ROS1: variants seen among roughly 807,000 people sequenced by gnomAD.
ROS1 encodes the protein ROS proto-oncogene 1, receptor tyrosine kinase, also known as proto-oncogene tyrosine-protein kinase ROS.
Under a neutral mutation model 273.5 loss-of-function variants are expected in ROS1, and 263 were observed. That is an observed-to-expected ratio of 0.96 (90% confidence interval 0.87 to 1.06). The LOEUF is 1.06. Ranked by LOEUF, ROS1 falls within the 50% of genes least tolerant of loss-of-function variation. The pLI is 0.00. For missense variants in ROS1, 2,833 were observed against 2,751.1 expected (o/e 1.03, Z -0.67); for synonymous variants, 1,008 against 954.1 (o/e 1.06, Z -1.04).
rs376358437 is a variant in ROS1, at chr6:117,403,103, T to C, written c.604+36A>G. ...AACAAACTAAATCAAAGCTTTGGAA[T>C]AATGTCCTTTCATAAGAAATGTGTG... On this transcript the variant is annotated intron_variant, in intron 7 of 43. Coordinates refer to ENST00000368507, the MANE Select transcript of ROS1 (RefSeq NM_001378902.1). 25 of 1,608,314 alleles carry C rather than the reference T, an allele frequency of 1.6e-5. No homozygotes were observed. In the African/African-American group the frequency reaches 3.2e-4, roughly 21 times the overall value.
Position 117,337,217 on chromosome 6 carries a change from T to C in ROS1, c.5185A>G (p.Thr1729Ala). ...YNVRVVVVYK[T>A]GENSTSLPES... Reference sequence around the variant, plus strand: ...GGAAGTGAGGTGCTATTTTCTCCCGTCTTATAAACCACCACTACTCTGACA... The same window carrying C: ...GGAAGTGAGGTGCTATTTTCTCCCGCCTTATAAACCACCACTACTCTGACA... Residue 1729 changes from threonine (T) to alanine (A), a missense_variant, in exon 32 of 44, where the codon ACG becomes GCG. Coordinates refer to ENST00000368507, the MANE Select transcript of ROS1 (RefSeq NM_001378902.1). 2 of 1,612,742 alleles carry C rather than the reference T, an allele frequency of 1.2e-6. No individual in the cohort carries two copies. Among genetic ancestry groups the C allele is most frequent in the Non-Finnish European group, 1.7e-6 (2 of 1,179,168 alleles).
Position 117,317,291 on chromosome 6 carries a change from C to G in ROS1, c.5988-19G>C, listed in dbSNP as rs753227974. 4 of 1,607,520 alleles carry G rather than the reference C, an allele frequency of 2.5e-6. No homozygotes were observed. In the East Asian group the frequency reaches 8.9e-5, roughly 36 times the overall value. ...AAATTTGCTGAAAGGTGGAAAGACA[C>G]AGGCTGGATGATATGACAGAAGCAG... is the stretch of plus-strand genomic sequence containing the variant. On this transcript the variant is annotated intron_variant, in intron 38 of 43. Coordinates refer to ENST00000368507, the MANE Select transcript of ROS1 (RefSeq NM_001378902.1).
intron 34 of ROS1, among the ~76,000 whole-genome samples, chr6:117,325,853 G>A (rs1694545670): frequency 6.6e-6 from 1 of 151,858 alleles, no homozygotes; most frequent in South Asian, 2.1e-4. Context: ...AAGGTCTTAG[G>A]CCTGTTATGT....
chr6:117,300,327 C>A (rs1233399141), intron 43 of ROS1, among the ~76,000 whole-genome samples: 1 of 151,646 alleles, frequency 6.6e-6, no homozygotes, highest in African/African-American at 2.4e-5. Flanking sequence ...TGATCCACTA[C>A]AATAATCATA....
chr6:117,362,959 A>T, intron 21 of ROS1, 94 bp from the exon 22 acceptor site: 1 of 1,097,048 alleles, frequency 9.1e-7, no homozygotes, highest in Non-Finnish European at 1.3e-6. Context: ...TAAACAACTT[A>T]ACAATATTTC....
intron 35 of ROS1, among the ~76,000 whole-genome samples, chr6:117,323,432 C>T (rs961778786): frequency 6.6e-6 from 1 of 152,038 alleles, no homozygotes; most frequent in African/African-American, 2.4e-5. Context: ...CAAAACAAGC[C>T]ACAACTTTCT....
intron 39 of ROS1, among the ~76,000 whole-genome samples, chr6:117,313,927 C>T (rs112494207): frequency 7.2e-5 from 11 of 152,166 alleles, no homozygotes; most frequent in East Asian, 3.9e-4. Flanking sequence ...GCGAAGGAGA[C>T]GAAGCCCTGG....
chr6:117,376,930 T>C (rs577269901), intron 18 of ROS1, among the ~76,000 whole-genome samples: 1 of 152,278 alleles, frequency 6.6e-6, no homozygotes, highest in African/African-American at 2.4e-5. Flanking sequence ...AGATCAAGTA[T>C]AGCCAAAATA....
intron 2 of ROS1, 129 bp from the exon 3 acceptor site, chr6:117,416,446 C>G: frequency 1.5e-6 from 1 of 659,064 alleles, no homozygotes; most frequent in Admixed American, 2.6e-5. Flanking sequence ...ACCAAGAAAC[C>G]TGAGGCCTCC....
At position 117,288,551 on chromosome 6, in the gene ROS1, G is replaced by C. The variant is rs143434059; in HGVS notation, c.6967C>G (p.Pro2323Ala). The change falls in exon 44 of 44, where the codon CCT becomes GCT. Residue 2323 changes from proline to alanine, a missense_variant. Transcript: ENST00000368507. ...AGACAGGCATAGTTCAGGCCTTCAG[G>C]CTTGCCAGAAGGGCAGTAAGCCACT... The part of the protein sequence containing the change: ...KQVAYCPSGK[P>A]EGLNYACLTH... 405 of 1,614,134 alleles carry C rather than the reference G, an allele frequency of 2.5e-4. 1 individual carries two copies. In the African/African-American group the frequency reaches 2.7e-3, roughly 11 times the overall value.
At chr6:117,379,902 T>A (rs367819999) in intron 17 of ROS1, among the ~76,000 whole-genome samples, 1 of 152,144 alleles carries the variant, frequency 6.6e-6, no homozygotes, top group Non-Finnish European at 1.5e-5. Flanking sequence ...TATTTCCAGA[T>A]GACATATGAG....
At chr6:117,298,228 G>A (rs1774405102) in intron 43 of ROS1, among the ~76,000 whole-genome samples, 1 of 152,112 alleles carries the variant, frequency 6.6e-6, no homozygotes, top group Non-Finnish European at 1.5e-5. Flanking sequence ...AAGGGTGTGG[G>A]AGAGTGAATA....
At chr6:117,329,506 A>T (rs2128593835) in intron 32 of ROS1, 60 bp from the exon 33 acceptor site, 1 of 812,112 alleles carries the variant, frequency 1.2e-6, no homozygotes, top group African/African-American at 1.7e-5. Flanking sequence ...TTCTGCACTG[A>T]AATCTTTCTA....
intron 43 of ROS1, among the ~76,000 whole-genome samples, chr6:117,293,806 T>C (rs1399283194): frequency 6.6e-6 from 1 of 152,140 alleles, no homozygotes; most frequent in South Asian, 2.1e-4. Flanking sequence ...CACAAAGAAT[T>C]TGAGCCTTAT....
At chr6:117,398,256 G>A (rs1773656005) in intron 7 of ROS1, among the ~76,000 whole-genome samples, 1 of 150,300 alleles carries the variant, frequency 6.7e-6, no homozygotes, top group Middle Eastern at 3.2e-3. Flanking sequence ...TGCGATCATT[G>A]TCCAGGTCTT....
rs139256509 is a variant in ROS1 at position 117,389,785 on chromosome 6, G to A, written c.1351C>T (p.Arg451Trp). The change falls in exon 13 of 44, where the codon CGG (arginine) becomes TGG (tryptophan). Residue 451 changes from arginine (R) to tryptophan (W), a missense_variant. Physicochemically the swap from Arg to Trp is moderately radical, Grantham distance 101. Transcript: ENST00000368507. Reference sequence around the variant, plus strand: ...ACAATACGCACAGCTTCTGCACACCGGCCAGATGGTACAGGAAGGTCTGCT... The same window carrying A: ...ACAATACGCACAGCTTCTGCACACCAGCCAGATGGTACAGGAAGGTCTGCT... ...YRADLPVPSG[R>W]CAEAVRIVES... The A allele has an allele frequency of 9.0e-5, 145 of 1,613,980 alleles. 2 individuals are homozygous for A. In the South Asian group the frequency reaches 1.1e-3, roughly 12 times the overall value.
At chr6:117,300,198 G>A (rs1049153481) in intron 43 of ROS1, among the ~76,000 whole-genome samples, 4 of 143,580 alleles carry the variant, frequency 2.8e-5, no homozygotes, top group African/African-American at 1.0e-4. Context: ...TGATCCGCCC[G>A]CCTCGGCCTC....
intron 27 of ROS1, among the ~76,000 whole-genome samples, chr6:117,345,263 T>A (rs747061338): frequency 4.6e-5 from 7 of 152,196 alleles, no homozygotes; most frequent in Non-Finnish European, 8.8e-5. Context: ...GGAATGATCT[T>A]CCCCATCTGC....
In ROS1 at chr6:117,385,811, C is replaced by T. The variant is rs776027945; in HGVS notation, c.2161G>A (p.Val721Ile). Reference sequence around the variant, plus strand: ...GTCCCATTCAGCAGCCACACAAAAACGTCGCCTTTCGTGTCACTGTAGTAG... The same window carrying T: ...GTCCCATTCAGCAGCCACACAAAAATGTCGCCTTTCGTGTCACTGTAGTAG... ...SLYYSDTKGD[V>I]FVWLLNGTDI... Residue 721 changes from valine (V) to isoleucine (I), a missense_variant, in exon 16 of 44, where the codon GTT becomes ATT. Val to Ile is a conservative substitution (Grantham distance 29, BLOSUM62 3). Coordinates refer to ENST00000368507, the MANE Select transcript of ROS1 (RefSeq NM_001378902.1). The T allele has an allele frequency of 1.4e-5, 22 of 1,614,114 alleles. No individual in the cohort carries two copies. Among genetic ancestry groups the T allele is most frequent in the East Asian group, 2.2e-5 (1 of 44,860 alleles).
Sources: gnomAD v4.1 joint callset for allele counts (sites outside exome capture counted in the v4.1 genomes callset) on GRCh38, gnomAD v4.1.1 for gene constraint, MANE v1.5 for transcripts, NCBI Gene and HGNC (gene_info 2026-07-23, HGNC 2026-07-21) for gene names.